TLN2: variants seen among roughly 807,000 people sequenced by gnomAD.
The protein encoded by TLN2 is talin-2.
In TLN2, 118 loss-of-function variants were observed where a neutral mutation model predicts 294.7. That is an observed-to-expected ratio of 0.40 (90% confidence interval 0.34 to 0.47). TLN2 has a LOEUF of 0.47. Among genes scored for constraint, TLN2 ranks in the 20% least tolerant of loss-of-function variants. TLN2 has a pLI of 0.84. For synonymous variants in TLN2, 1,431 were observed against 1,304.5 expected (o/e 1.10, Z -2.09); for missense variants, 3,083 against 3,282.2 (o/e 0.94, Z 1.48).
At chr15:62,572,572 C>G (rs917178484) in intron 1 of TLN2, among the ~76,000 whole-genome samples, 1 of 152,202 alleles carries the variant, frequency 6.6e-6, no homozygotes, top group African/African-American at 2.4e-5. Context: ...CAGATCTACT[C>G]TCTGCCAAAC....
intron 23 of TLN2, among the ~76,000 whole-genome samples, chr15:62,717,060 C>G (rs1479140122): frequency 6.6e-6 from 1 of 151,888 alleles, no homozygotes; most frequent in Non-Finnish European, 1.5e-5. Context: ...CATATGCAGT[C>G]TGCTATATTC....
At chr15:62,647,207 TTTG>T in intron 3 of TLN2, 65 bp from the exon 4 acceptor site, 1 of 1,439,342 alleles carries the variant, frequency 6.9e-7, no homozygotes, top group South Asian at 1.4e-5. Context: ...CAGCACTTTT[TTTG>T]TTTTTTTTTC....
At chr15:62,688,852 A>C (rs552261840) in intron 12 of TLN2, among the ~76,000 whole-genome samples, 1 of 152,240 alleles carries the variant, frequency 6.6e-6, no homozygotes, top group South Asian at 2.1e-4. Context: ...GGCATGATAC[A>C]TCTTTTTCCA....
rs1439309284 is a variant in TLN2, at chr15:62,800,485, G to T, written c.6352G>T (p.Ala2118Ser). The T allele has an allele frequency of 3.1e-6, 5 of 1,614,128 alleles. No homozygotes were observed. The highest frequency in any genetic ancestry group is 1.3e-5 in the African/African-American group (1 of 75,048). The change falls in exon 49 of 59, where the codon GCT (alanine) becomes TCT (serine). Residue 2118 changes from alanine (A) to serine (S), a missense_variant. By Grantham distance (99) the Ala-to-Ser change is moderately conservative. Transcript: ENST00000636159. ...DDPSMYQLKG[A>S]AKVMVTNVTS... ...CCCTTCCATGTACCAGCTCAAGGGG[G>T]CTGCCAAGGTAGAGTGGGGCTCCGA...
At chr15:62,640,358 A>AG (rs1206879745) in intron 3 of TLN2, 1 of 456,904 alleles carries the variant, frequency 2.2e-6, no homozygotes, top group Admixed American at 2.3e-5. Context: ...GTGGAGAGTG[A>AG]GTGGCTAGAG....
At chr15:62,719,631 G>C (rs1402667829) in intron 24 of TLN2, 136 bp from the exon 25 acceptor site, 2 of 603,502 alleles carry the variant, frequency 3.3e-6, no homozygotes, top group Non-Finnish European at 2.8e-6. Context: ...AATGTGCAGT[G>C]TCTATCCAAG....
intron 12 of TLN2, among the ~76,000 whole-genome samples, chr15:62,691,962 T>A (rs2057956097): frequency 3.3e-5 from 5 of 152,234 alleles, no homozygotes; most frequent in Admixed American, 2.6e-4. Context: ...GTATGAGCAC[T>A]GTGCCCAGCC....
chr15:62,769,501 A>G (rs1467778567), intron 41 of TLN2, among the ~76,000 whole-genome samples: 4 of 152,250 alleles, frequency 2.6e-5, no homozygotes, highest in African/African-American at 7.2e-5. Flanking sequence ...GAACAGCCCT[A>G]TTCACCAGGT....
intron 1 of TLN2, among the ~76,000 whole-genome samples, chr15:62,397,586 T>C (rs1419249048): frequency 6.6e-6 from 1 of 152,146 alleles, no homozygotes; most frequent in Non-Finnish European, 1.5e-5. Flanking sequence ...AAGTACATAC[T>C]GTGTGACTCT....
At chr15:62,639,315 C>T (rs77006661) in intron 3 of TLN2, among the ~76,000 whole-genome samples, 3,355 of 152,168 alleles carry the variant, frequency 0.022, 139 homozygotes, top group African/African-American at 0.077. Flanking sequence ...GGTGGCCCTG[C>T]CGTTTACTTA....
At chr15:62,760,328 A>AT (rs2141018449) in intron 37 of TLN2, among the ~76,000 whole-genome samples, 1 of 152,310 alleles carries the variant, frequency 6.6e-6, no homozygotes, top group South Asian at 2.1e-4. Flanking sequence ...TGTAGTTGTT[A>AT]TTCAGAAATC....
At chr15:62,408,926 C>T (rs532026866) in intron 1 of TLN2, among the ~76,000 whole-genome samples, 1 of 152,148 alleles carries the variant, frequency 6.6e-6, no homozygotes, top group South Asian at 2.1e-4. Context: ...TCCCAAAGTG[C>T]TGGGATTACA....
rs199674911 is a variant in TLN2 at position 62,587,942 on chromosome 15, G to A, written c.-237-1745G>A. The stretch of plus-strand genomic sequence containing the variant: ...GCAGTCCAGGCTGGAGTGTAGTGGC[G>A]TGATCTCGGCTCACTGCAAGCTCCG... On this transcript the variant is annotated intron_variant, in intron 1 of 58. Transcript: ENST00000636159. 7.9e-5 allele frequency among the ~76,000 whole-genome samples: 12 copies of A among 152,080 alleles called. No homozygotes were observed. The East Asian group carries it at 2.1e-3, about 27-fold the overall frequency.
chr15:62,392,434 TTAA>T (rs2032178170), intron 1 of TLN2, among the ~76,000 whole-genome samples: 2 of 152,192 alleles, frequency 1.3e-5, no homozygotes, highest in Admixed American at 1.3e-4. Flanking sequence ...TACTTTTCCA[TTAA>T]TAATACCTGG....
chr15:62,567,250 T>C (rs1182756230), intron 1 of TLN2, among the ~76,000 whole-genome samples: 3 of 152,274 alleles, frequency 2.0e-5, no homozygotes, highest in African/African-American at 7.2e-5. Context: ...AATGAATGTT[T>C]AGCATCTTGA....
At chr15:62,445,273 C>T in intron 1 of TLN2, among the ~76,000 whole-genome samples, 1 of 152,212 alleles carries the variant, frequency 6.6e-6, no homozygotes, top group Non-Finnish European at 1.5e-5. Context: ...ACCTCCACCT[C>T]CACCTTTGGA....
At chr15:62,816,934 C>G (rs1260401217) in intron 52 of TLN2, among the ~76,000 whole-genome samples, 1 of 152,168 alleles carries the variant, frequency 6.6e-6, no homozygotes, top group Non-Finnish European at 1.5e-5. Context: ...TGGTTTACAA[C>G]TATGGCCACA....
At chr15:62,528,937 A>G (rs2040881729) in intron 1 of TLN2, among the ~76,000 whole-genome samples, 2 of 152,188 alleles carry the variant, frequency 1.3e-5, no homozygotes, top group Admixed American at 1.3e-4. Context: ...TCTCTACAGC[A>G]TAGCTGAACA....
At chr15:62,440,449 G>A (rs191209640) in intron 1 of TLN2, among the ~76,000 whole-genome samples, 24 of 152,234 alleles carry the variant, frequency 1.6e-4, no homozygotes, top group African/African-American at 5.3e-4. Context: ...GCAAGAGCAC[G>A]GTCCTGGCTG....
Sources: allele counts gnomAD v4.1 joint callset (sites outside exome capture counted in the v4.1 genomes callset), GRCh38; gene constraint gnomAD v4.1.1; transcripts MANE v1.5; gene names NCBI Gene and HGNC (gene_info 2026-07-23, HGNC 2026-07-21).